KCNIP4: variants seen among roughly 807,000 people sequenced by gnomAD.
KCNIP4 encodes Kv channel-interacting protein 4.
Under a neutral mutation model 34.0 loss-of-function variants are expected in KCNIP4, and 12 were observed. The ratio of observed to expected loss-of-function variants is 0.35; its 90% CI spans 0.23 to 0.57. The LOEUF (loss-of-function observed/expected upper bound fraction) is 0.57. Among genes scored for constraint, KCNIP4 ranks in the 20% least tolerant of loss-of-function variants. The probability of loss-of-function intolerance (pLI) is 0.83; values close to 1 mark genes in which losing one functional copy is unlikely to be tolerated. For missense variants in KCNIP4, 238 were observed against 311.7 expected (o/e 0.76, Z 1.78); for synonymous variants, 124 against 102.2 (o/e 1.21, Z -1.29).
chr4:21,309,989 T>A (rs1163775463), intron 1 of KCNIP4, among the ~76,000 whole-genome samples: 1 of 152,166 alleles, frequency 6.6e-6, no homozygotes, highest in Non-Finnish European at 1.5e-5. Context: ...AAAGGCAATG[T>A]ATATTACATG....
At chr4:21,429,883 G>C (rs1423514155) in intron 1 of KCNIP4, among the ~76,000 whole-genome samples, 1 of 152,018 alleles carries the variant, frequency 6.6e-6, no homozygotes, top group East Asian at 1.9e-4. Flanking sequence ...TGTGTCCAAT[G>C]TAACATTAAT....
intron 1 of KCNIP4, among the ~76,000 whole-genome samples, chr4:21,226,610 TATA>T (rs35327705): frequency 0.085 from 12,952 of 152,218 alleles, 663 homozygotes; most frequent in Admixed American, 0.14. Flanking sequence ...AATGAAATGC[TATA>T]ATATCTTGAA....
At chr4:21,637,617 T>C (rs1015632986) in intron 1 of KCNIP4, among the ~76,000 whole-genome samples, 2 of 151,842 alleles carry the variant, frequency 1.3e-5, no homozygotes, top group Admixed American at 6.6e-5. Flanking sequence ...ACCCTGTCTC[T>C]ACTAATAATA....
chr4:21,333,895 A>G lies in KCNIP4; in HGVS notation c.62-451186T>C, dbSNP rs542892312. The stretch of plus-strand genomic sequence containing the variant: ...CTGCTGTTCTTTAATAACTCGGTGC[A>G]AAAACTTCGGAAATTTTTATACCAC... On this transcript the variant is annotated intron_variant, in intron 1 of 8. Coordinates refer to ENST00000382152, the MANE Select transcript of KCNIP4 (RefSeq NM_025221.6). Among the ~76,000 whole-genome samples the G allele has an allele frequency of 2.0e-5, 3 of 152,296 alleles. No homozygotes were observed. In the East Asian group the frequency reaches 5.8e-4, roughly 29 times the overall value.
intron 3 of KCNIP4, among the ~76,000 whole-genome samples, chr4:20,792,357 T>C (rs1240759857): frequency 6.6e-6 from 1 of 151,428 alleles, no homozygotes; most frequent in Non-Finnish European, 1.5e-5. Flanking sequence ...AGAACGAGAC[T>C]CCATCTCAAA....
chr4:21,888,495 A>T (rs1207975781), intron 1 of KCNIP4, among the ~76,000 whole-genome samples: 2 of 152,126 alleles, frequency 1.3e-5, no homozygotes, highest in Non-Finnish European at 2.9e-5. Context: ...AGCCTTGTGA[A>T]CACAAGAAGA....
chr4:20,795,636 C>G (rs573078036), intron 3 of KCNIP4, among the ~76,000 whole-genome samples: 1 of 152,214 alleles, frequency 6.6e-6, no homozygotes, highest in African/African-American at 2.4e-5. Context: ...GCCAGTGTAC[C>G]AATTTCACAA....
intron 1 of KCNIP4, among the ~76,000 whole-genome samples, chr4:21,025,654 C>T (rs556757597): frequency 1.4e-5 from 2 of 138,188 alleles, no homozygotes; most frequent in South Asian, 2.5e-4. Flanking sequence ...CCCGGGTTCA[C>T]GCCATTCTCC....
At chr4:20,756,182 A>C (rs952504938) in intron 4 of KCNIP4, among the ~76,000 whole-genome samples, 1 of 151,998 alleles carries the variant, frequency 6.6e-6, no homozygotes, top group African/African-American at 2.4e-5. Flanking sequence ...TAAAAAAAAA[A>C]AAAGTGTTGG....
chr4:21,368,074 G>A (rs142216789), intron 1 of KCNIP4, among the ~76,000 whole-genome samples: 7 of 147,272 alleles, frequency 4.8e-5, no homozygotes, highest in Admixed American at 4.6e-4. Context: ...GGTGGGATTT[G>A]GATTCAGCAA....
intron 1 of KCNIP4, among the ~76,000 whole-genome samples, chr4:20,932,432 C>T (rs902993198): frequency 7.1e-6 from 1 of 141,572 alleles, no homozygotes; most frequent in Non-Finnish European, 1.5e-5. Flanking sequence ...ATATTGTAGA[C>T]TATAATAGTC....
chr4:20,872,243 C>A (rs528224960), intron 2 of KCNIP4, among the ~76,000 whole-genome samples: 4 of 152,224 alleles, frequency 2.6e-5, no homozygotes, highest in Admixed American at 2.6e-4. Context: ...TCTCCCCAGC[C>A]TCAAAGGAGA....
intron 1 of KCNIP4, among the ~76,000 whole-genome samples, chr4:21,531,346 C>CCGCT (rs1340118790): frequency 4.5e-5 from 4 of 89,680 alleles, no homozygotes; most frequent in Non-Finnish European, 8.7e-5. Flanking sequence ...CCTTCCCCTC[C>CCGCT]CCCTCCCTCC....
chr4:21,648,722 T>G (rs1049001640), intron 1 of KCNIP4, among the ~76,000 whole-genome samples: 2 of 152,194 alleles, frequency 1.3e-5, no homozygotes, highest in Admixed American at 6.5e-5. Context: ...ATCAGGGTAA[T>G]CAAGCATTGG....
At chr4:20,978,594 C>T (rs546317363) in intron 1 of KCNIP4, among the ~76,000 whole-genome samples, 7 of 152,142 alleles carry the variant, frequency 4.6e-5, no homozygotes, top group Non-Finnish European at 8.8e-5. Context: ...ACATACAGTA[C>T]TTGGATAAGC....
At chr4:21,311,821 C>A (rs1047632972) in intron 1 of KCNIP4, among the ~76,000 whole-genome samples, 3 of 152,180 alleles carry the variant, frequency 2.0e-5, no homozygotes, top group Admixed American at 6.5e-5. Context: ...GGCATGACAT[C>A]AGATTACAGA....
At chr4:21,380,839 G>GACACACAC (rs34138343) in intron 1 of KCNIP4, among the ~76,000 whole-genome samples, 1 of 149,616 alleles carries the variant, frequency 6.7e-6, no homozygotes, top group Non-Finnish European at 1.5e-5. Context: ...TTCCATTGGT[G>GACACACAC]ACACACACAC....
At chr4:21,701,237 T>A (rs1025595085) in intron 1 of KCNIP4, among the ~76,000 whole-genome samples, 6 of 152,130 alleles carry the variant, frequency 3.9e-5, no homozygotes, top group African/African-American at 1.4e-4. Flanking sequence ...TAGAATGGTA[T>A]TTACCAGAGG....
intron 1 of KCNIP4, among the ~76,000 whole-genome samples, chr4:21,618,997 G>A (rs1744815843): frequency 6.6e-6 from 1 of 152,056 alleles, no homozygotes. Context: ...CAAATAGTGA[G>A]TTACTTGATG....
Sources: allele counts gnomAD v4.1 joint callset (sites outside exome capture counted in the v4.1 genomes callset), GRCh38; gene constraint gnomAD v4.1.1; transcripts MANE v1.5; gene names NCBI Gene and HGNC (gene_info 2026-07-23, HGNC 2026-07-21).